The following DAB1 variants were observed in gnomAD, a reference collection of about 807,000 sequenced individuals.
DAB1 encodes disabled homolog 1.
In DAB1, 15 loss-of-function variants were observed where a neutral mutation model predicts 64.6. The observed-to-expected ratio is 0.23, with a 90% confidence interval of 0.16 to 0.36. The LOEUF is 0.36. DAB1 is among the 10% of genes least tolerant of loss of function. DAB1 has a pLI of 1.00. For synonymous variants in DAB1, 235 were observed against 251.9 expected, an observed-to-expected ratio of 0.93 and a Z score of 0.64; for missense variants, 596 against 706.7, an observed-to-expected ratio of 0.84 and a Z score of 1.78.
intron 5 of DAB1, among the ~76,000 whole-genome samples, chr1:57,926,828 T>C (rs1356612342): frequency 4.6e-5 from 7 of 152,182 alleles, no homozygotes; most frequent in Non-Finnish European, 1.0e-4. Context: ...CTAGGAAAGC[T>C]TCCCACTCAG....
intron 1 of DAB1, among the ~76,000 whole-genome samples, chr1:58,532,956 T>G (rs1370184408): frequency 6.6e-6 from 1 of 152,246 alleles, no homozygotes; most frequent in East Asian, 1.9e-4. Flanking sequence ...GAATTTGAGA[T>G]TACTCTTAGA....
Position 57,881,934 on chromosome 1 carries a change from A to G in DAB1, n.87+2065T>C, listed in dbSNP as rs112771296. Among the ~76,000 whole-genome samples the G allele has an allele frequency of 3.2e-3, 482 of 152,342 alleles. 1 individual carries two copies. The highest frequency in any genetic ancestry group is 0.011 in the African/African-American group (462 of 41,580). The stretch of plus-strand genomic sequence containing the variant: ...TATGCTGGCTTTAAACCTTTTAGAA[A>G]TATTAAAGGTTTTACAGCTCAATGT... On this transcript the variant is annotated intron_variant and non_coding_transcript_variant, in intron 1 of 1. Coordinates refer to the DAB1 transcript ENST00000477280.
At chr1:57,079,552 G>A (rs1035908301) in intron 4 of DAB1, among the ~76,000 whole-genome samples, 1 of 152,134 alleles carries the variant, frequency 6.6e-6, no homozygotes, top group Admixed American at 6.6e-5. Flanking sequence ...CATCTTTCTA[G>A]TACTTAAAAC....
chr1:58,241,700 T>C (rs1467692420), intron 4 of DAB1, among the ~76,000 whole-genome samples: 1 of 152,104 alleles, frequency 6.6e-6, no homozygotes, highest in African/African-American at 2.4e-5. Context: ...ATTCAAATCT[T>C]TTCACGACAA....
At chr1:58,458,834 A>C (rs6687174) in intron 3 of DAB1, among the ~76,000 whole-genome samples, 45,403 of 150,536 alleles carry the variant, frequency 0.3, 7,334 homozygotes, top group African/African-American at 0.41. Flanking sequence ...AACAAACAAA[A>C]AAAAAAAACG....
At chr1:57,295,217 T>G (rs1173012155) in intron 1 of DAB1, among the ~76,000 whole-genome samples, 2 of 152,172 alleles carry the variant, frequency 1.3e-5, no homozygotes, top group East Asian at 1.9e-4. Context: ...TTTTATGTCA[T>G]GTGAATTTCA....
In DAB1 at chr1:58,378,213, T is replaced by C. The variant is rs1430481300; in HGVS notation, n.258-34810A>G. 4.2e-5 allele frequency among the ~76,000 whole-genome samples: 5 copies of C among 120,466 alleles called. 1 individual carries two copies. Among genetic ancestry groups the C allele is most frequent in the Non-Finnish European group, 9.2e-5 (5 of 54,526 alleles). 79.0% of individuals were successfully genotyped at this position (120,466 alleles called of 152,430 possible). On this transcript the variant is annotated intron_variant and non_coding_transcript_variant, in intron 3 of 20. Transcript: ENST00000485760. The stretch of plus-strand genomic sequence containing the variant: ...TCATTCTCCATCCAGCTTTGTTCCG[T>C]TGCTGGTGAGGAACTGCGTTCCTTT...
intron 4 of DAB1, among the ~76,000 whole-genome samples, chr1:58,295,368 C>A (rs1481292474): frequency 6.6e-6 from 1 of 152,152 alleles, no homozygotes; most frequent in East Asian, 1.9e-4. Flanking sequence ...CGAGGCCAGC[C>A]ATAGCAAAAT....
chr1:57,215,301 C>T (rs1666341213), intron 2 of DAB1, among the ~76,000 whole-genome samples: 1 of 152,190 alleles, frequency 6.6e-6, no homozygotes, highest in African/African-American at 2.4e-5. Context: ...CAAGGAGAAG[C>T]TTAATAAAAG....
chr1:57,878,149 A>G (rs1644083394), intron 1 of DAB1: 1 of 141,402 alleles, frequency 7.1e-6, no homozygotes, highest in Admixed American at 7.0e-5. Context: ...AATATGTTTT[A>G]TTTAATGACT....
chr1:57,557,747 G>C (rs1645006939), intron 7 of DAB1, among the ~76,000 whole-genome samples: 1 of 152,060 alleles, frequency 6.6e-6, no homozygotes, highest in South Asian at 2.1e-4. Context: ...GTTGGTGAGG[G>C]GCAAGGAGTT....
chr1:57,275,742 G>A (rs749632662), intron 2 of DAB1, among the ~76,000 whole-genome samples: 37 of 152,158 alleles, frequency 2.4e-4, no homozygotes, highest in Non-Finnish European at 2.9e-5. Flanking sequence ...GGTCCCCAGT[G>A]GTGACATGCC....
At chr1:57,448,936 C>T (rs1442330172) in intron 7 of DAB1, among the ~76,000 whole-genome samples, 2 of 152,162 alleles carry the variant, frequency 1.3e-5, no homozygotes, top group African/African-American at 4.8e-5. Context: ...CCAAATCTAA[C>T]CCCAAGGCTC....
Position 57,668,227 on chromosome 1 carries a change from T to C in DAB1, n.552-18562A>G, listed in dbSNP as rs532215567. 2.1e-4 allele frequency among the ~76,000 whole-genome samples: 32 copies of C among 152,254 alleles called. No individual in the cohort carries two copies. The South Asian group carries it at 3.7e-3, about 18-fold the overall frequency. On this transcript the variant is annotated intron_variant and non_coding_transcript_variant, in intron 6 of 20. Transcript: ENST00000485760. ...TTTTATAAGATATTATTTAAATTAA[T>C]GTACTTTTTACTTTTTTAATGTGAT... is the stretch of plus-strand genomic sequence containing the variant.
intron 7 of DAB1, among the ~76,000 whole-genome samples, chr1:57,611,913 T>C (rs1256646601): frequency 3.3e-5 from 5 of 152,186 alleles, no homozygotes; most frequent in African/African-American, 4.8e-5. Context: ...ATACCTGACT[T>C]CCTTCATAAG....
intron 4 of DAB1, among the ~76,000 whole-genome samples, chr1:58,156,600 C>T (rs890321116): frequency 6.6e-6 from 1 of 152,176 alleles, no homozygotes; most frequent in African/African-American, 2.4e-5. Flanking sequence ...TGGTATCATA[C>T]AGACAGGGCA....
At chr1:58,381,131 CTGGAG>C (rs1644384698) in intron 3 of DAB1, among the ~76,000 whole-genome samples, 1 of 152,116 alleles carries the variant, frequency 6.6e-6, no homozygotes, top group African/African-American at 2.4e-5. Flanking sequence ...AAAACACACG[CTGGAG>C]CCTGTCTCAG....
intron 8 of DAB1, among the ~76,000 whole-genome samples, chr1:57,067,358 AG>A (rs1249074983): frequency 1.3e-5 from 2 of 152,206 alleles, no homozygotes; most frequent in Admixed American, 6.5e-5. Context: ...TTATTTACAG[AG>A]GTCAGAGGGA....
chr1:58,073,158 C>A (rs778924065), intron 5 of DAB1, among the ~76,000 whole-genome samples: 1 of 152,164 alleles, frequency 6.6e-6, no homozygotes, highest in Admixed American at 6.5e-5. Flanking sequence ...GTCAAGAGTC[C>A]ATGTTCTTGA....
Sources: gnomAD v4.1 joint callset for allele counts (sites outside exome capture counted in the v4.1 genomes callset) on GRCh38, gnomAD v4.1.1 for gene constraint, MANE v1.5 for transcripts, NCBI Gene and HGNC (gene_info 2026-07-23, HGNC 2026-07-21) for gene names.